VAV3: variants seen among roughly 807,000 people sequenced by gnomAD.
The protein encoded by VAV3 is vav guanine nucleotide exchange factor 3, also known as guanine nucleotide exchange factor VAV3.
VAV3 carries 94 observed loss-of-function variants against 131.2 expected under a neutral mutation model. The observed-to-expected ratio is 0.72, with a 90% CI of 0.61 to 0.85. The LOEUF is 0.85. VAV3 is among the 40% of genes least tolerant of loss of function. The pLI is 0.00. For missense variants in VAV3, 939 were observed against 1,002.7 expected, an observed-to-expected ratio of 0.94 and a Z score of 0.86; for synonymous variants, 349 against 342.0, an observed-to-expected ratio of 1.02 and a Z score of -0.22.
At chr1:107,838,226 T>C (rs1161022394) in intron 2 of VAV3, among the ~76,000 whole-genome samples, 4 of 152,294 alleles carry the variant, frequency 2.6e-5, no homozygotes, top group Admixed American at 6.5e-5. Context: ...AAAGCTCTAA[T>C]AGCCAGAAGC....
chr1:107,934,504 G>A (rs558950778), intron 1 of VAV3, among the ~76,000 whole-genome samples: 2 of 152,308 alleles, frequency 1.3e-5, no homozygotes, highest in African/African-American at 2.4e-5. Context: ...ACTAAGATGA[G>A]TATTAGCAAC....
intron 19 of VAV3, among the ~76,000 whole-genome samples, chr1:107,651,409 C>T (rs965984709): frequency 1.3e-5 from 2 of 151,800 alleles, no homozygotes; most frequent in Admixed American, 1.3e-4. Flanking sequence ...ACTATAGCAC[C>T]TTTTTTTTGT....
chr1:107,833,964 A>C (rs1668367746), intron 2 of VAV3, among the ~76,000 whole-genome samples: 1 of 152,230 alleles, frequency 6.6e-6, no homozygotes. Flanking sequence ...TGCTCACATG[A>C]GACAGTATCA....
intron 15 of VAV3, among the ~76,000 whole-genome samples, chr1:107,710,325 GA>G (rs1334770471): frequency 6.6e-6 from 1 of 152,098 alleles, no homozygotes; most frequent in Non-Finnish European, 1.5e-5. Context: ...ATATTGCATT[GA>G]AAGTAAAAGT....
Position 107,877,060 on chromosome 1 carries a change from A to C in VAV3, c.205-2043T>G, listed in dbSNP as rs374797006. 9.8e-5 allele frequency among the ~76,000 whole-genome samples: 15 copies of C among 152,304 alleles called. No homozygotes were observed. The East Asian group carries it at 2.5e-3, about 25-fold the overall frequency. On this transcript the variant is annotated intron_variant, in intron 1 of 26. Coordinates refer to ENST00000370056, the MANE Select transcript of VAV3 (RefSeq NM_006113.5). ...ACACACTTTACCCTTCACGGGAATC[A>C]TTCTCAGAGGCTTAAATATTTCAGG... is the stretch of plus-strand genomic sequence containing the variant.
intron 2 of VAV3, among the ~76,000 whole-genome samples, chr1:107,871,814 G>A (rs1670266849): frequency 6.6e-6 from 1 of 152,104 alleles, no homozygotes; most frequent in African/African-American, 2.4e-5. Flanking sequence ...ACAAAGTTTA[G>A]TGAGCAGAAA....
At chr1:107,639,805 A>G (rs958785049) in intron 20 of VAV3, among the ~76,000 whole-genome samples, 7 of 151,986 alleles carry the variant, frequency 4.6e-5, no homozygotes, top group Non-Finnish European at 8.8e-5. Flanking sequence ...ATGGTGATAC[A>G]TGCCTGTTGT....
chr1:107,616,078 G>C (rs1653133117), intron 21 of VAV3, among the ~76,000 whole-genome samples: 1 of 152,134 alleles, frequency 6.6e-6, no homozygotes, highest in Non-Finnish European at 1.5e-5. Context: ...ATTACCTTTT[G>C]AGCCAGCAAT....
intron 3 of VAV3, among the ~76,000 whole-genome samples, chr1:107,778,057 T>A (rs1307907727): frequency 1.3e-5 from 2 of 152,212 alleles, no homozygotes. Flanking sequence ...ACAGTAAGCA[T>A]ACTGTGCCAA....
chr1:107,777,216 A>C lies in VAV3; in HGVS notation c.446+15T>G. 1 of 1,613,138 alleles carries C rather than the reference A, an allele frequency of 6.2e-7. No homozygotes were observed. Among genetic ancestry groups the C allele is most frequent in the Non-Finnish European group, 8.5e-7 (1 of 1,179,178 alleles). ...ATTGGCAGTGGCTAAATTTTGCTTG[A>C]AATTTTCAACATACTCTATTAAATC... is the stretch of plus-strand genomic sequence containing the variant. On this transcript the variant is annotated intron_variant, in intron 4 of 26. Coordinates refer to ENST00000370056, the MANE Select transcript of VAV3 (RefSeq NM_006113.5).
intron 15 of VAV3, among the ~76,000 whole-genome samples, chr1:107,715,186 G>A (rs1398736732): frequency 6.6e-6 from 1 of 152,104 alleles, no homozygotes; most frequent in African/African-American, 2.4e-5. Context: ...AGTGGGAGAA[G>A]AGGGATCTCA....
At chr1:107,636,646 T>C (rs1228638524) in intron 20 of VAV3, among the ~76,000 whole-genome samples, 1 of 152,202 alleles carries the variant, frequency 6.6e-6, no homozygotes, top group African/African-American at 2.4e-5. Flanking sequence ...TTGAATACTG[T>C]ACTGAAAGTG....
chr1:107,778,512 C>T (rs764257246), intron 3 of VAV3, among the ~76,000 whole-genome samples: 8 of 152,138 alleles, frequency 5.3e-5, no homozygotes, highest in Non-Finnish European at 8.8e-5. Context: ...AGACCATATA[C>T]ATAGAAAGCT....
intron 2 of VAV3, among the ~76,000 whole-genome samples, chr1:107,831,344 G>A (rs1668241387): frequency 1.3e-5 from 2 of 152,024 alleles, no homozygotes; most frequent in South Asian, 4.1e-4. Flanking sequence ...AATTAAAACT[G>A]TTTTCGTGTC....
At chr1:107,618,097 TGAGAATCTAATGCC>T (rs1045790203) in intron 20 of VAV3, among the ~76,000 whole-genome samples, 1 of 152,034 alleles carries the variant, frequency 6.6e-6, no homozygotes, top group Non-Finnish European at 1.5e-5. Flanking sequence ...TGCGCTCCTA[TGAGAATCTAATGCC>T]GCCACTGATT....
At chr1:107,901,152 G>C (rs1414041469) in intron 1 of VAV3, among the ~76,000 whole-genome samples, 3 of 152,176 alleles carry the variant, frequency 2.0e-5, no homozygotes, top group African/African-American at 7.2e-5. Flanking sequence ...CAGCTGGGGA[G>C]CTGCTATGTC....
chr1:107,686,268 G>T (rs1417741372), intron 18 of VAV3, among the ~76,000 whole-genome samples: 1 of 152,044 alleles, frequency 6.6e-6, no homozygotes, highest in Non-Finnish European at 1.5e-5. Flanking sequence ...ACGCCCCACG[G>T]ATTCTGTGGC....
intron 15 of VAV3, among the ~76,000 whole-genome samples, chr1:107,713,573 C>T (rs186827469): frequency 1.3e-5 from 2 of 152,052 alleles, no homozygotes; most frequent in African/African-American, 4.8e-5. Flanking sequence ...TACTAGCAAT[C>T]AAAAGAAATG....
At chr1:107,731,817 T>C (rs967598452) in intron 15 of VAV3, among the ~76,000 whole-genome samples, 1 of 152,218 alleles carries the variant, frequency 6.6e-6, no homozygotes, top group African/African-American at 2.4e-5. Flanking sequence ...TCAGAGAATG[T>C]ATGAATTTAT....
Sources: gnomAD v4.1 joint callset for allele counts (sites outside exome capture counted in the v4.1 genomes callset) on GRCh38, gnomAD v4.1.1 for gene constraint, MANE v1.5 for transcripts, NCBI Gene and HGNC (gene_info 2026-07-23, HGNC 2026-07-21) for gene names.